The following LRRTM4 variants were observed in gnomAD, a reference collection of about 807,000 sequenced individuals.
LRRTM4 encodes leucine-rich repeat transmembrane neuronal protein 4.
In LRRTM4, 25 loss-of-function variants were observed where a neutral mutation model predicts 47.6. The ratio of observed to expected loss-of-function variants is 0.53; its 90% CI spans 0.38 to 0.73. The LOEUF is 0.73. LRRTM4 is among the 30% of genes least tolerant of loss of function. The pLI, the probability that LRRTM4 is intolerant of heterozygous loss-of-function variation, is 0.00. For synonymous variants in LRRTM4, 311 were observed against 269.5 expected (o/e 1.15, Z -1.51); for missense variants, 638 against 713.4 (o/e 0.89, Z 1.20).
chr2:77,130,888 G>T (rs6726469), intron 3 of LRRTM4, among the ~76,000 whole-genome samples: 57,193 of 116,806 alleles, frequency 0.49, 13,592 homozygotes, highest in East Asian at 0.67. Context: ...AGGCTGGAGT[G>T]CAGTGGCGGG....
Position 77,352,471 on chromosome 2 carries a change from T to G in LRRTM4, c.1551+165847A>C, listed in dbSNP as rs1671820762. Among the ~76,000 whole-genome samples the G allele has an allele frequency of 2.0e-5, 3 of 152,142 alleles. No homozygotes were observed. In the South Asian group the frequency reaches 6.2e-4, roughly 32 times the overall value. ...TGTCAACTCCAGGAATTGCAATTAA[T>G]TTTATACATGGCCCACCTTATTTAA... On this transcript the variant is annotated intron_variant, in intron 3 of 3. Coordinates refer to ENST00000409884, the MANE Select transcript of LRRTM4 (RefSeq NM_001134745.3).
chr2:77,038,468 A>T (rs1678908821), intron 3 of LRRTM4, among the ~76,000 whole-genome samples: 1 of 151,534 alleles, frequency 6.6e-6, no homozygotes, highest in Non-Finnish European at 1.5e-5. Flanking sequence ...AAAATTATAA[A>T]GTACTGTTCA....
rs201587327 is a variant in LRRTM4 at position 77,170,979 on chromosome 2, CAT to C, written c.1551+347337_1551+347338del. ...TTATATGTACGTATACTAAAGTACACATATATATTAGCTTTATATATGTATAT... is the reference window on the plus strand; with the variant it reads ...TTATATGTACGTATACTAAAGTACACATATATTAGCTTTATATATGTATAT... On this transcript the variant is annotated intron_variant, in intron 3 of 3. Coordinates refer to ENST00000409884, the MANE Select transcript of LRRTM4 (RefSeq NM_001134745.3). Among the ~76,000 whole-genome samples the C allele has an allele frequency of 6.4e-3, 784 of 123,360 alleles. 4 individuals carry two copies. Among genetic ancestry groups the C allele is most frequent in the African/African-American group, 0.022 (747 of 33,562 alleles). 80.9% of individuals were successfully genotyped at this position (123,360 alleles called of 152,430 possible). A position where few individuals can be genotyped will look rare whatever the true frequency, so the allele number is the denominator to read the frequency against.
chr2:77,426,812 C>CAT (rs1304098741), intron 3 of LRRTM4, among the ~76,000 whole-genome samples: 1 of 141,426 alleles, frequency 7.1e-6, no homozygotes, highest in African/African-American at 2.8e-5. Context: ...TATGCACACA[C>CAT]ACACACACAC....
At chr2:76,946,406 G>T (rs1312120287) in intron 3 of LRRTM4, among the ~76,000 whole-genome samples, 1 of 151,644 alleles carries the variant, frequency 6.6e-6, no homozygotes, top group Non-Finnish European at 1.5e-5. Context: ...ATTCAAACAA[G>T]AACTAATATA....
intron 3 of LRRTM4, among the ~76,000 whole-genome samples, chr2:77,289,256 T>C (rs1676752171): frequency 6.6e-6 from 1 of 152,028 alleles, no homozygotes; most frequent in South Asian, 2.1e-4. Flanking sequence ...TGTCCTAATT[T>C]AGGTACTAAT....
chr2:76,881,156 T>C (rs952992175), intron 3 of LRRTM4, among the ~76,000 whole-genome samples: 3 of 152,166 alleles, frequency 2.0e-5, no homozygotes, highest in South Asian at 4.1e-4. Context: ...TCTGATCAGA[T>C]CACTATAAAT....
chr2:76,804,306 G>A (rs1675852274), intron 3 of LRRTM4, among the ~76,000 whole-genome samples: 1 of 152,062 alleles, frequency 6.6e-6, no homozygotes, highest in Non-Finnish European at 1.5e-5. Context: ...TTGGGACTAT[G>A]TATCAAAACT....
At chr2:76,819,135 A>G (rs1670984542) in intron 3 of LRRTM4, among the ~76,000 whole-genome samples, 1 of 151,850 alleles carries the variant, frequency 6.6e-6, no homozygotes, top group South Asian at 2.1e-4. Context: ...AAATAAAGCT[A>G]AATCTATCCC....
intron 3 of LRRTM4, among the ~76,000 whole-genome samples, chr2:76,811,543 AC>A (rs1670734524): frequency 6.6e-6 from 1 of 151,796 alleles, no homozygotes; most frequent in Non-Finnish European, 1.5e-5. Flanking sequence ...TGATGGAAAA[AC>A]CTATTCCCTT....
intron 3 of LRRTM4, among the ~76,000 whole-genome samples, chr2:76,925,468 T>C (rs1299519437): frequency 6.6e-6 from 1 of 152,132 alleles, no homozygotes; most frequent in East Asian, 1.9e-4. Context: ...CTTTCTGACC[T>C]ATAGAACTTC....
intron 3 of LRRTM4, among the ~76,000 whole-genome samples, chr2:77,416,627 A>G (rs1212112022): frequency 6.6e-6 from 1 of 152,006 alleles, no homozygotes; most frequent in Non-Finnish European, 1.5e-5. Flanking sequence ...AGTTATCTCT[A>G]ACTAAGGTGT....
chr2:77,133,490 G>A (rs924025642), intron 3 of LRRTM4, among the ~76,000 whole-genome samples: 1 of 152,240 alleles, frequency 6.6e-6, no homozygotes, highest in African/African-American at 2.4e-5. Context: ...GTTACTTCAA[G>A]GGTCAGTTTC....
chr2:77,221,885 C>A (rs977678654), intron 3 of LRRTM4, among the ~76,000 whole-genome samples: 2 of 152,146 alleles, frequency 1.3e-5, no homozygotes, highest in East Asian at 1.9e-4. Context: ...CTCTCCACCC[C>A]AAATCAACAG....
At chr2:77,274,388 A>G (rs1231167152) in intron 3 of LRRTM4, among the ~76,000 whole-genome samples, 1 of 152,174 alleles carries the variant, frequency 6.6e-6, no homozygotes, top group Non-Finnish European at 1.5e-5. Flanking sequence ...AGATACAATA[A>G]AGGTCATGGT....
intron 3 of LRRTM4, among the ~76,000 whole-genome samples, chr2:76,911,405 C>T (rs929520878): frequency 1.6e-4 from 25 of 152,184 alleles, no homozygotes; most frequent in Admixed American, 6.5e-5. Context: ...GTGACAGAAC[C>T]TAATGCTTCC....
At chr2:77,385,773 A>C (rs1347994600) in intron 3 of LRRTM4, among the ~76,000 whole-genome samples, 1 of 103,950 alleles carries the variant, frequency 9.6e-6, no homozygotes. Flanking sequence ...TTTGAGATGG[A>C]GTCTCACTCT....
chr2:77,093,109 T>C (rs1266839908), intron 3 of LRRTM4, among the ~76,000 whole-genome samples: 1 of 146,540 alleles, frequency 6.8e-6, no homozygotes, highest in Admixed American at 6.7e-5. Context: ...TCATCCCCAC[T>C]ATCTTCTGTC....
At chr2:77,031,443 C>G (rs1678652713) in intron 3 of LRRTM4, among the ~76,000 whole-genome samples, 1 of 152,106 alleles carries the variant, frequency 6.6e-6, no homozygotes, top group Non-Finnish European at 1.5e-5. Context: ...TCATGATTAT[C>G]CTAGGGCTGT....
Sources: gnomAD v4.1 joint callset for allele counts (sites outside exome capture counted in the v4.1 genomes callset) on GRCh38, gnomAD v4.1.1 for gene constraint, MANE v1.5 for transcripts, NCBI Gene and HGNC (gene_info 2026-07-23, HGNC 2026-07-21) for gene names.